Variants in SESN2 observed in about 807,000 individuals in gnomAD.
SESN2 encodes the protein sestrin 2, also known as sestrin-2.
A neutral mutation model predicts 56.0 loss-of-function variants in SESN2; 42 were observed. The observed-to-expected ratio is 0.75, with a 90% confidence interval of 0.59 to 0.97. The LOEUF (loss-of-function observed/expected upper bound fraction) is 0.97. Ranked by LOEUF, SESN2 falls within the 50% of genes least tolerant of loss-of-function variation. SESN2 has a pLI of 0.00. For missense variants in SESN2, 507 were observed against 649.4 expected (o/e 0.78, Z 2.38); for synonymous variants, 264 against 267.1 (o/e 0.99, Z 0.11).
In SESN2 at chr1:28,281,071, C is replaced by T; in HGVS notation, c.*269C>T. 2.6e-6 allele frequency: 1 copy of T among 387,714 alleles called. No individual in the cohort carries two copies. Among genetic ancestry groups the T allele is most frequent in the South Asian group, 5.4e-5 (1 of 18,668 alleles). The allele number at this position is 387,714 out of a possible 1,614,324, so 24.0% of individuals were successfully genotyped here. A position where few individuals can be genotyped will look rare whatever the true frequency, so the allele number is the denominator to read the frequency against. On this transcript the variant is annotated 3_prime_UTR_variant, in exon 10 of 10. Coordinates refer to ENST00000253063, the MANE Select transcript of SESN2 (RefSeq NM_031459.5). ...ACACCCTTCCTCCTTCCCCTGCCCA[C>T]AGAGGCAGAGGGCACAGGAAAGAAG...
At chr1:28,262,179 G>A (rs1026793343) in intron 1 of SESN2, among the ~76,000 whole-genome samples, 1 of 152,160 alleles carries the variant, frequency 6.6e-6, no homozygotes, top group Non-Finnish European at 1.5e-5. Flanking sequence ...GCAGGGTGCT[G>A]ATCTTTGAGT....
intron 1 of SESN2, among the ~76,000 whole-genome samples, chr1:28,262,620 T>TAAAAA (rs1647414371): frequency 1.7e-4 from 4 of 24,058 alleles, no homozygotes; most frequent in African/African-American, 8.0e-4. Context: ...AGAGTCTGTC[T>TAAAAA]CAAAAAAAAA....
chr1:28,260,815 G>C (rs1647350183), intron 1 of SESN2, among the ~76,000 whole-genome samples: 2 of 151,888 alleles, frequency 1.3e-5, no homozygotes, highest in African/African-American at 4.8e-5. Context: ...ACCACTACCA[G>C]CAGCAGCGAT....
chr1:28,271,583 T>C, intron 2 of SESN2, 91 bp from the exon 3 acceptor site: 1 of 953,832 alleles, frequency 1.0e-6, no homozygotes, highest in Non-Finnish European at 1.7e-6. Context: ...TTTAGTTTCT[T>C]GCCATTAAAA....
chr1:28,264,176 G>A (rs1468614068), intron 1 of SESN2, among the ~76,000 whole-genome samples: 2 of 151,802 alleles, frequency 1.3e-5, no homozygotes, highest in Admixed American at 6.6e-5. Flanking sequence ...AAAATTAGCC[G>A]GGCTTGGTGG....
chr1:28,261,779 CT>C (rs35935502), intron 1 of SESN2, among the ~76,000 whole-genome samples: 8,736 of 129,544 alleles, frequency 0.067, 708 homozygotes, highest in African/African-American at 0.24. Flanking sequence ...TTTTTCTTAT[CT>C]TTTTTTTTTT....
At position 28,269,121 on chromosome 1, in the gene SESN2, T is replaced by G. The variant is rs188308230; in HGVS notation, c.91-62T>G. 13 of 1,219,396 alleles carry G rather than the reference T, an allele frequency of 1.1e-5. 1 individual carries two copies. The Admixed American group carries it at 1.7e-4, about 16-fold the overall frequency. The allele number at this position is 1,219,396 out of a possible 1,614,324, so 75.5% of individuals were successfully genotyped here. A position where few individuals can be genotyped will look rare whatever the true frequency, so the allele number is the denominator to read the frequency against. ...CCTTGGATAGGAGGAAGAGGCTGGA[T>G]AGGTAATAATCCTCTTTATTCTCCC... On this transcript the variant is annotated intron_variant, in intron 1 of 9. Transcript: ENST00000253063.
chr1:28,274,933 ACC>A lies in SESN2; in HGVS notation c.1130_1131del (p.Thr377AsnfsTer29). ...FQAAYSLTYN[T>X]IAMHSGVDTS... ...GGCAGCCTATAGCCTCACCTACAAT[ACC>A]ATCGCCATGCACAGTGGTGTGGACA... On this transcript the variant is annotated frameshift_variant, in exon 8 of 10. Transcript: ENST00000253063. LOFTEE classifies it high-confidence loss of function. The A allele has an allele frequency of 6.2e-7, 1 of 1,614,006 alleles. No individual in the cohort carries two copies. The highest frequency in any genetic ancestry group is 8.5e-7 in the Non-Finnish European group (1 of 1,179,964).
rs996962059 is a variant in SESN2 at position 28,281,099 on chromosome 1, G to C, written c.*297G>C. On this transcript the variant is annotated 3_prime_UTR_variant, in exon 10 of 10. Transcript: ENST00000253063. ...AGGCAGAGGGCACAGGAAAGAAGCC[G>C]GGCCAAGCTCGGAATTAATGTGCCA... 6.2e-6 allele frequency: 2 copies of C among 321,430 alleles called. No individual in the cohort carries two copies. The highest frequency in any genetic ancestry group is 1.1e-5 in the Non-Finnish European group (2 of 174,386). The allele number at this position is 321,430 out of a possible 1,614,324, so 19.9% of individuals were successfully genotyped here. A position where few individuals can be genotyped will look rare whatever the true frequency, so the allele number is the denominator to read the frequency against.
Position 28,272,280 on chromosome 1 carries a change from G to A in SESN2, c.355-4G>A, listed in dbSNP as rs1471252964. 5 of 1,613,320 alleles carry A rather than the reference G, an allele frequency of 3.1e-6. No individual in the cohort carries two copies. The highest frequency in any genetic ancestry group is 1.3e-5 in the African/African-American group (1 of 74,890). On this transcript the variant is annotated splice_region_variant and splice_polypyrimidine_tract_variant and intron_variant, in intron 3 of 9. Transcript: ENST00000253063. Reference sequence around the variant, plus strand: ...GACTCAGGCTGTGTCCACTACCTCCGCAGGCTGCCGCCCGCCATCAGTGTT... The same window carrying A: ...GACTCAGGCTGTGTCCACTACCTCCACAGGCTGCCGCCCGCCATCAGTGTT...
chr1:28,271,787 T>C lies in SESN2; in HGVS notation c.270T>C (p.Phe90=). 6.2e-7 allele frequency: 1 copy of C among 1,614,218 alleles called. No individual in the cohort carries two copies. Among genetic ancestry groups the C allele is most frequent in the Non-Finnish European group, 8.5e-7 (1 of 1,180,032 alleles). ...AVVMGLHPDY[F]TSFWRLHYLL... is the part of the protein sequence containing the mutation. ...TGATGGGCCTGCACCCTGACTACTT[T>C]ACCAGCTTCTGGCGCCTGCACTACC... is the stretch of plus-strand genomic sequence containing the variant. The change falls in exon 3 of 10, where the codon TTT becomes TTC. Residue 90 remains phenylalanine, a synonymous_variant. Coordinates refer to ENST00000253063, the MANE Select transcript of SESN2 (RefSeq NM_031459.5).
chr1:28,275,251 A>T (rs1572097401), intron 8 of SESN2, among the ~76,000 whole-genome samples: 1 of 152,066 alleles, frequency 6.6e-6, no homozygotes, highest in African/African-American at 2.4e-5. Flanking sequence ...GTACATATAT[A>T]TACACACACA....
At chr1:28,275,644 C>T (rs1339782740) in intron 8 of SESN2, among the ~76,000 whole-genome samples, 1 of 151,968 alleles carries the variant, frequency 6.6e-6, no homozygotes, top group Non-Finnish European at 1.5e-5. Context: ...CCCAGCTACT[C>T]AAGAGGCTGA....
At chr1:28,276,384 C>T (rs1557735412) in intron 8 of SESN2, among the ~76,000 whole-genome samples, 1 of 151,846 alleles carries the variant, frequency 6.6e-6, no homozygotes, top group Non-Finnish European at 1.5e-5. Flanking sequence ...GAGGCTGAGA[C>T]AGGAGGATCA....
chr1:28,275,309 ACACACAC>A, intron 8 of SESN2, among the ~76,000 whole-genome samples: 1 of 152,186 alleles, frequency 6.6e-6, no homozygotes, highest in Non-Finnish European at 1.5e-5. Context: ...ACACACACAC[ACACACAC>A]ACTATATATA....
intron 1 of SESN2, among the ~76,000 whole-genome samples, chr1:28,266,242 C>T (rs758869989): frequency 1.3e-5 from 2 of 152,220 alleles, no homozygotes; most frequent in South Asian, 4.2e-4. Flanking sequence ...ATTAGAATTG[C>T]GGGAGGTGGG....
chr1:28,260,066 C>T (rs1647314983), intron 1 of SESN2, 129 bp downstream of exon 1: 17 of 635,124 alleles, frequency 2.7e-5, no homozygotes, highest in Non-Finnish European at 3.7e-5. Context: ...ACCCGGGACC[C>T]GGGTTGCATC....
At position 28,272,694 on chromosome 1, in the gene SESN2, C is replaced by T. The variant is rs774356225; in HGVS notation, c.651C>T (p.Leu217=). 3.7e-5 allele frequency: 59 copies of T among 1,613,830 alleles called. No individual in the cohort carries two copies. The highest frequency in any genetic ancestry group is 1.0e-4 in the Admixed American group (6 of 59,984). ...CCTTCGTGTTTGGCTGTGGCATCCT[C>T]CCTGAGGGGGATGCAGATGGCAGCC... ...LSSFVFGCGI[L]PEGDADGSPA... The change falls in exon 5 of 10, where the codon CTC becomes CTT. Residue 217 remains leucine, a synonymous_variant. Coordinates refer to ENST00000253063, the MANE Select transcript of SESN2 (RefSeq NM_031459.5).
In SESN2 at chr1:28,274,124, G is replaced by A. The variant is rs1383227659; in HGVS notation, c.986G>A (p.Arg329Lys). 8 of 1,613,920 alleles carry A rather than the reference G, an allele frequency of 5.0e-6. No homozygotes were observed. The highest frequency in any genetic ancestry group is 6.8e-6 in the Non-Finnish European group (8 of 1,179,908). ...PTFGYEDFTRRGAQAPPTFRA... is the reference protein window; with the variant it reads ...PTFGYEDFTRKGAQAPPTFRA... ...TTCGGATATGAGGACTTCACTCGGA[G>A]AGGGGCTCAGGCACCCCCTACCTTC... Residue 329 changes from arginine to lysine, a missense_variant, in exon 7 of 10, where the codon AGA becomes AAA. Transcript: ENST00000253063.
Sources: allele counts gnomAD v4.1 joint callset (sites outside exome capture counted in the v4.1 genomes callset), GRCh38; gene constraint gnomAD v4.1.1; transcripts MANE v1.5; gene names NCBI Gene and HGNC (gene_info 2026-07-23, HGNC 2026-07-21).